Variants in DOP1A observed in about 807,000 individuals in gnomAD.
DOP1A encodes the protein protein DOP1A.
A neutral mutation model predicts 267.6 loss-of-function variants in DOP1A; 90 were observed. The ratio of observed to expected loss-of-function variants is 0.34; its 90% CI spans 0.28 to 0.40. The LOEUF is 0.40. Among genes scored for constraint, DOP1A ranks in the 10% least tolerant of loss-of-function variants. The pLI, the probability that DOP1A is intolerant of heterozygous loss-of-function variation, is 1.00. For missense variants in DOP1A, 2,437 were observed against 2,900.4 expected (o/e 0.84, Z 3.67); for synonymous variants, 932 against 999.1 (o/e 0.93, Z 1.27).
chr6:83,137,469 A>G lies in DOP1A; in HGVS notation c.3427A>G (p.Ser1143Gly). 1 of 1,613,798 alleles carries G rather than the reference A, an allele frequency of 6.2e-7. No homozygotes were observed. Among genetic ancestry groups the G allele is most frequent in the Non-Finnish European group, 8.5e-7 (1 of 1,179,854 alleles). ...AQEDSQMPKE[S>G]SPDDDVQQVV... is the part of the protein sequence containing the mutation. ...AGAGGATTCTCAAATGCCCAAGGAA[A>G]GCTCCCCAGATGATGATGTTCAACA... The change falls in exon 21 of 39, where the codon AGC becomes GGC. Residue 1143 changes from serine to glycine, a missense_variant. Physicochemically the swap from Ser to Gly is moderately conservative, Grantham distance 56. This residue lies in a region of DOP1A where 878 missense variants were observed against 992.9 expected (regional missense o/e 0.88). Transcript: ENST00000349129.
At chr6:83,161,981 T>C (rs1450439212) in intron 37 of DOP1A, among the ~76,000 whole-genome samples, 2 of 152,168 alleles carry the variant, frequency 1.3e-5, no homozygotes, top group African/African-American at 2.4e-5. Context: ...TGAAGTTTTA[T>C]ATGATGCAGA....
chr6:83,082,231 T>C (rs1768222901), intron 1 of DOP1A, among the ~76,000 whole-genome samples: 1 of 152,216 alleles, frequency 6.6e-6, no homozygotes, highest in Admixed American at 6.5e-5. Context: ...TAAACAGCAG[T>C]ATTCACATAG....
chr6:83,077,533 A>G (rs1157062345), intron 1 of DOP1A, among the ~76,000 whole-genome samples: 3 of 151,702 alleles, frequency 2.0e-5, no homozygotes, highest in African/African-American at 7.3e-5. Context: ...TTAATTAGCT[A>G]GGCATGTTGG....
At chr6:83,123,104 C>G (rs1171272317) in intron 12 of DOP1A, 122 bp downstream of exon 12, 1 of 1,086,454 alleles carries the variant, frequency 9.2e-7, no homozygotes, top group Non-Finnish European at 1.3e-6. Flanking sequence ...ATAACTGTTA[C>G]TTACTATCCA....
chr6:83,133,682 ATTT>A (rs1778431171), intron 18 of DOP1A, among the ~76,000 whole-genome samples: 1 of 152,094 alleles, frequency 6.6e-6, no homozygotes. Context: ...GTAGTTTAAT[ATTT>A]TTATTGTAAA....
chr6:83,091,758 A>C (rs190461561), intron 1 of DOP1A, among the ~76,000 whole-genome samples: 91 of 152,332 alleles, frequency 6.0e-4, no homozygotes, highest in Non-Finnish European at 4.4e-5. Context: ...ATGTCTTCAA[A>C]ATGAATGCTA....
At chr6:83,113,230 C>A in intron 6 of DOP1A, 93 bp from the exon 7 acceptor site, 1 of 821,630 alleles carries the variant, frequency 1.2e-6, no homozygotes, top group Non-Finnish European at 2.0e-6. Flanking sequence ...TCCTCAGAAG[C>A]ATACTTTCGA....
At chr6:83,083,153 G>A (rs561528398) in intron 1 of DOP1A, among the ~76,000 whole-genome samples, 27 of 152,134 alleles carry the variant, frequency 1.8e-4, no homozygotes, top group Admixed American at 3.9e-4. Flanking sequence ...AAAAACTTCT[G>A]TATCAGAATC....
At chr6:83,164,994 T>C (rs757410679) in intron 38 of DOP1A, 59 of 348,292 alleles carry the variant, frequency 1.7e-4, no homozygotes, top group Admixed American at 4.0e-4. Context: ...AAAGTCCCTC[T>C]CTTAAAGGCT....
intron 1 of DOP1A, among the ~76,000 whole-genome samples, chr6:83,073,874 G>A (rs1416542485): frequency 6.6e-6 from 1 of 152,156 alleles, no homozygotes; most frequent in South Asian, 2.1e-4. Flanking sequence ...TGACATAGAG[G>A]CCAACTTGCC....
At position 83,152,289 on chromosome 6, in the gene DOP1A, T is replaced by C. The variant is rs1781847878; in HGVS notation, c.6051T>C (p.Asp2017=). 2 of 1,548,246 alleles carry C rather than the reference T, an allele frequency of 1.3e-6. No homozygotes were observed. The highest frequency in any genetic ancestry group is 1.8e-6 in the Non-Finnish European group (2 of 1,142,698). ...TCTTTAATTTTCTCTTATTTATAGA[T>C]ATGTTATCACCTGCAATGGAAACCG... ...DGTNLESDVE[D]MLSPAMETAN... The change falls in exon 30 of 39, where the codon GAT becomes GAC. Residue 2017 remains aspartate, a splice_region_variant and synonymous_variant. Transcript: ENST00000349129.
chr6:83,072,990 A>T (rs1785871236), intron 1 of DOP1A: 1 of 374,600 alleles, frequency 2.7e-6, no homozygotes, highest in Non-Finnish European at 5.3e-6. Context: ...TACTTGCTTT[A>T]AAGTTAGTCT....
intron 1 of DOP1A, among the ~76,000 whole-genome samples, chr6:83,086,217 TAAC>T (rs1769206514): frequency 6.6e-6 from 1 of 152,254 alleles, no homozygotes; most frequent in Non-Finnish European, 1.5e-5. Flanking sequence ...GCCTTACTGG[TAAC>T]ATAAATGGTT....
chr6:83,112,181 T>A lies in DOP1A; in HGVS notation c.682-1142T>A, dbSNP rs554630424. On this transcript the variant is annotated intron_variant, in intron 6 of 38. Transcript: ENST00000349129. ...CAAAATATCACAGTCAAAGGAGTAT[T>A]CTTTCTAATATTCAAAGAGCTACTA... Among the ~76,000 whole-genome samples, 5 of 152,228 alleles carry A rather than the reference T, an allele frequency of 3.3e-5. No individual in the cohort carries two copies. In the South Asian group the frequency reaches 1.0e-3, roughly 32 times the overall value.
At chr6:83,158,325 C>G (rs960236123) in intron 35 of DOP1A, among the ~76,000 whole-genome samples, 14 of 152,106 alleles carry the variant, frequency 9.2e-5, no homozygotes, top group Non-Finnish European at 1.8e-4. Flanking sequence ...TAATAACTAA[C>G]TCTGTTCCAT....
At chr6:83,123,100 GTTAC>G (rs1023470839) in intron 12 of DOP1A, 118 bp downstream of exon 12, 4 of 1,106,216 alleles carry the variant, frequency 3.6e-6, no homozygotes, top group African/African-American at 1.7e-5. Context: ...AATAATAACT[GTTAC>G]TTACTATCCA....
intron 33 of DOP1A, among the ~76,000 whole-genome samples, chr6:83,155,538 C>G (rs1452449905): frequency 1.3e-5 from 2 of 152,036 alleles, no homozygotes; most frequent in South Asian, 4.1e-4. Context: ...ACAAGCAAGA[C>G]AGTGTGGCTA....
chr6:83,169,158 T>C, downstream of DOP1A: 1 of 1,578,664 alleles, frequency 6.3e-7, no homozygotes, highest in South Asian at 1.1e-5. Flanking sequence ...ATAAATCTCT[T>C]AGTACTGCCA....
chr6:83,142,385 G>C (rs1471880449), intron 24 of DOP1A, among the ~76,000 whole-genome samples: 1 of 152,116 alleles, frequency 6.6e-6, no homozygotes, highest in African/African-American at 2.4e-5. Flanking sequence ...GCACACGCCT[G>C]TAGTCCCAGG....
Sources: gnomAD v4.1 joint callset for allele counts (sites outside exome capture counted in the v4.1 genomes callset) on GRCh38, gnomAD v4.1.1 for gene constraint, gnomAD v4.1.1 regional missense constraint, MANE v1.5 for transcripts, NCBI Gene and HGNC (gene_info 2026-07-23, HGNC 2026-07-21) for gene names.